SLC24A2: variants seen among roughly 807,000 people sequenced by gnomAD.
SLC24A2 encodes the protein sodium/potassium/calcium exchanger 2.
A neutral mutation model predicts 62.0 loss-of-function variants in SLC24A2; 36 were observed. That is an observed-to-expected ratio of 0.58 (90% CI 0.44 to 0.77). SLC24A2 has a LOEUF of 0.77. SLC24A2 is among the 30% of genes least tolerant of loss of function. The probability of loss-of-function intolerance (pLI) is 0.00; values close to 1 mark genes in which losing one functional copy is unlikely to be tolerated. For missense variants in SLC24A2, 846 were observed against 817.9 expected (o/e 1.03, Z -0.42); for synonymous variants, 358 against 294.0 (o/e 1.22, Z -2.23).
the SLC24A2 span, among the ~76,000 whole-genome samples, chr9:19,953,660 C>A: frequency 3.9e-5 from 6 of 151,992 alleles, no homozygotes; most frequent in Admixed American, 1.3e-4. Flanking sequence ...TTCCTAATAA[C>A]AAGTAGCCAT....
the SLC24A2 span, among the ~76,000 whole-genome samples, chr9:20,232,805 T>G: frequency 6.6e-6 from 1 of 152,172 alleles, no homozygotes; most frequent in African/African-American, 2.4e-5. Flanking sequence ...CTCGTTCTTT[T>G]AAGTGTGATG....
chr9:19,689,874 G>T (rs1342654546), intron 2 of SLC24A2, among the ~76,000 whole-genome samples: 1 of 152,130 alleles, frequency 6.6e-6, no homozygotes, highest in Admixed American at 6.5e-5. Context: ...CAAGAGATTA[G>T]CAATGAGTTG....
At chr9:19,926,225 C>A in the SLC24A2 span, 47 of 152,476 alleles carry the variant, frequency 3.1e-4, no homozygotes, top group African/African-American at 1.1e-3. Flanking sequence ...TTTCTCCCTG[C>A]AGGGTGGGAG....
the SLC24A2 span, among the ~76,000 whole-genome samples, chr9:19,916,989 T>TTG: frequency 2.0e-5 from 3 of 147,532 alleles, no homozygotes; most frequent in African/African-American, 7.4e-5. Context: ...CTGTTTTTTT[T>TTG]TTTTTTTTTT....
At chr9:19,623,852 C>A (rs965839861) in intron 2 of SLC24A2, among the ~76,000 whole-genome samples, 3 of 152,092 alleles carry the variant, frequency 2.0e-5, no homozygotes, top group African/African-American at 7.2e-5. Context: ...CAGACATAGA[C>A]AGAAGGGTTC....
the SLC24A2 span, among the ~76,000 whole-genome samples, chr9:19,823,297 TTGTGTG>T: frequency 0.02 from 2,991 of 149,820 alleles, 80 homozygotes; most frequent in African/African-American, 0.061. Flanking sequence ...TGTATTAACA[TTGTGTG>T]TGTGTGTGTG....
intron 2 of SLC24A2, among the ~76,000 whole-genome samples, chr9:19,725,247 G>A (rs10811229): frequency 0.42 from 64,529 of 151,978 alleles, 16,035 homozygotes; most frequent in East Asian, 0.69. Context: ...AATGGTGCTC[G>A]GGCTGAGAAA....
intron 10 of SLC24A2, among the ~76,000 whole-genome samples, chr9:19,517,946 C>CAT (rs1833011886): frequency 6.7e-6 from 1 of 149,920 alleles, no homozygotes; most frequent in Non-Finnish European, 1.5e-5. Flanking sequence ...CACACACACA[C>CAT]ACACACACAC....
At chr9:19,822,421 C>G in the SLC24A2 span, among the ~76,000 whole-genome samples, 5 of 152,062 alleles carry the variant, frequency 3.3e-5, no homozygotes, top group Admixed American at 3.3e-4. Context: ...GTCCTGAGAG[C>G]TTTAAGTAAA....
chr9:20,259,314 ATC>A, the SLC24A2 span, among the ~76,000 whole-genome samples: 4 of 152,212 alleles, frequency 2.6e-5, no homozygotes, highest in African/African-American at 9.6e-5. Flanking sequence ...AATTTGTTGC[ATC>A]AGCAATAGAA....
chr9:20,261,160 A>G, the SLC24A2 span, among the ~76,000 whole-genome samples: 6 of 152,014 alleles, frequency 3.9e-5, no homozygotes, highest in South Asian at 1.0e-3. Flanking sequence ...ACCCGGCCCA[A>G]TGTATCATCC....
At chr9:20,243,020 C>T in the SLC24A2 span, among the ~76,000 whole-genome samples, 3 of 152,158 alleles carry the variant, frequency 2.0e-5, no homozygotes, top group Non-Finnish European at 4.4e-5. Flanking sequence ...CTTCAATAAC[C>T]CAGCAGTGTT....
chr9:20,252,520 G>A, the SLC24A2 span, among the ~76,000 whole-genome samples: 1 of 152,128 alleles, frequency 6.6e-6, no homozygotes, highest in African/African-American at 2.4e-5. Context: ...ATGCTCAACA[G>A]GGATAGAGCA....
chr9:19,810,122 G>T, the SLC24A2 span, among the ~76,000 whole-genome samples: 1 of 152,166 alleles, frequency 6.6e-6, no homozygotes, highest in South Asian at 2.1e-4. Context: ...CTCAGAGAGA[G>T]TAAGTGGTAT....
At chr9:20,116,386 T>C in the SLC24A2 span, among the ~76,000 whole-genome samples, 1 of 152,164 alleles carries the variant, frequency 6.6e-6, no homozygotes, top group Non-Finnish European at 1.5e-5. Flanking sequence ...AAAGCATTCA[T>C]TGTTCTCTGG....
chr9:19,838,466 C>CACAT, the SLC24A2 span, among the ~76,000 whole-genome samples: 1 of 120,484 alleles, frequency 8.3e-6, no homozygotes, highest in Non-Finnish European at 1.7e-5. Flanking sequence ...CACACACACA[C>CACAT]ACACACACAC....
At chr9:20,197,751 T>C in the SLC24A2 span, among the ~76,000 whole-genome samples, 1 of 152,188 alleles carries the variant, frequency 6.6e-6, no homozygotes, top group South Asian at 2.1e-4. Flanking sequence ...ATTTTTCATA[T>C]CGACAATAAC....
At chr9:20,016,815 A>T in the SLC24A2 span, among the ~76,000 whole-genome samples, 1 of 152,210 alleles carries the variant, frequency 6.6e-6, no homozygotes, top group African/African-American at 2.4e-5. Flanking sequence ...TCTGAAGAGG[A>T]GAGTGAAACC....
the SLC24A2 span, among the ~76,000 whole-genome samples, chr9:20,191,325 G>C: frequency 2.3e-4 from 35 of 151,932 alleles, no homozygotes; most frequent in Admixed American, 9.2e-4. Flanking sequence ...TATCTCAAAG[G>C]GTTTTGCACA....
Sources: allele counts gnomAD v4.1 joint callset (sites outside exome capture counted in the v4.1 genomes callset), GRCh38; gene constraint gnomAD v4.1.1; transcripts MANE v1.5; gene names NCBI Gene and HGNC (gene_info 2026-07-23, HGNC 2026-07-21).